The following FAM13A variants were observed in gnomAD, a reference collection of about 807,000 sequenced individuals.
The protein encoded by FAM13A is family with sequence similarity 13 member A, also known as protein FAM13A.
A neutral mutation model predicts 129.6 loss-of-function variants in FAM13A; 76 were observed. That is an observed-to-expected ratio of 0.59 (90% confidence interval 0.49 to 0.71). FAM13A has a LOEUF of 0.71. FAM13A is among the 30% of genes least tolerant of loss of function. The pLI, the probability that FAM13A is intolerant of heterozygous loss-of-function variation, is 0.00. For synonymous variants in FAM13A, 443 were observed against 449.9 expected (o/e 0.98, Z 0.20); for missense variants, 1,108 against 1,249.3 (o/e 0.89, Z 1.70).
intron 14 of FAM13A, among the ~76,000 whole-genome samples, chr4:88,757,696 TAA>T (rs1257794079): frequency 2.6e-5 from 4 of 152,158 alleles, no homozygotes; most frequent in African/African-American, 7.2e-5. Flanking sequence ...AGAACTAGAA[TAA>T]AAAAGTTTGT....
At chr4:88,919,026 C>T (rs1199344933) in intron 5 of FAM13A, among the ~76,000 whole-genome samples, 4 of 152,194 alleles carry the variant, frequency 2.6e-5, no homozygotes, top group Admixed American at 6.5e-5. Flanking sequence ...TCTTAAGCCA[C>T]CAAGGTTTTA....
At chr4:89,031,566 G>C (rs1444691211) in intron 1 of FAM13A, among the ~76,000 whole-genome samples, 1 of 152,168 alleles carries the variant, frequency 6.6e-6, no homozygotes. Flanking sequence ...TAAGAACAGT[G>C]CCTGGCATAC....
chr4:88,781,930 T>C (rs1239536938), intron 10 of FAM13A, among the ~76,000 whole-genome samples: 1 of 151,402 alleles, frequency 6.6e-6, no homozygotes, highest in Non-Finnish European at 1.5e-5. Flanking sequence ...ACATGGCACA[T>C]GTATACATAT....
intron 8 of FAM13A, among the ~76,000 whole-genome samples, chr4:88,797,383 T>C (rs1429024322): frequency 6.6e-6 from 1 of 151,840 alleles, no homozygotes. Context: ...AGCAATCCTC[T>C]TGCTTCGGCC....
chr4:88,966,504 T>A (rs1759369990), intron 4 of FAM13A, among the ~76,000 whole-genome samples: 1 of 152,204 alleles, frequency 6.6e-6, no homozygotes, highest in South Asian at 2.1e-4. Context: ...CCATGGTTAA[T>A]CCTTTTTGCC....
intron 4 of FAM13A, among the ~76,000 whole-genome samples, chr4:88,954,392 C>T (rs554159505): frequency 1.3e-5 from 2 of 152,154 alleles, no homozygotes; most frequent in African/African-American, 4.8e-5. Context: ...TCCATAAATC[C>T]GTCCTTTCAT....
At chr4:88,737,785 ACAG>A (rs1335882163) in intron 20 of FAM13A, 1 of 546,576 alleles carries the variant, frequency 1.8e-6, no homozygotes, top group Non-Finnish European at 3.2e-6. Flanking sequence ...TACAGCAAGA[ACAG>A]CACAGGAGTA....
At chr4:88,955,357 G>C (rs1371101550) in intron 4 of FAM13A, among the ~76,000 whole-genome samples, 1 of 152,072 alleles carries the variant, frequency 6.6e-6, no homozygotes, top group Non-Finnish European at 1.5e-5. Flanking sequence ...TGCCATGATT[G>C]TAAGTTTCCT....
intron 4 of FAM13A, among the ~76,000 whole-genome samples, chr4:88,942,815 T>C (rs1423587812): frequency 2.0e-5 from 3 of 152,158 alleles, no homozygotes; most frequent in Non-Finnish European, 2.9e-5. Flanking sequence ...AGGTGAAAAA[T>C]TGAGCTTTGA....
intron 1 of FAM13A, among the ~76,000 whole-genome samples, chr4:89,037,871 C>A (rs1200022644): frequency 1.3e-5 from 2 of 152,200 alleles, no homozygotes; most frequent in Non-Finnish European, 2.9e-5. Context: ...CCTTCGCCTA[C>A]CACTATGGTT....
At chr4:88,903,165 A>T (rs201284072) in intron 6 of FAM13A, among the ~76,000 whole-genome samples, 1 of 152,222 alleles carries the variant, frequency 6.6e-6, no homozygotes, top group Non-Finnish European at 1.5e-5. Flanking sequence ...TATTATGAAA[A>T]TACTCATACT....
intron 1 of FAM13A, among the ~76,000 whole-genome samples, chr4:89,036,999 C>T (rs1769469734): frequency 6.6e-6 from 1 of 152,206 alleles, no homozygotes; most frequent in African/African-American, 2.4e-5. Context: ...GGGGTGGAGC[C>T]CTCATGGAGA....
intron 1 of FAM13A, among the ~76,000 whole-genome samples, chr4:89,039,395 AG>A (rs1174021097): frequency 1.3e-5 from 2 of 152,254 alleles, no homozygotes; most frequent in Non-Finnish European, 2.9e-5. Flanking sequence ...TAACACAAAC[AG>A]GGAAACCTAA....
chr4:88,929,294 A>AC (rs796657330), intron 5 of FAM13A, among the ~76,000 whole-genome samples: 140 of 152,108 alleles, frequency 9.2e-4, no homozygotes, highest in Middle Eastern at 3.4e-3. Context: ...TGATAACTAG[A>AC]CTTTTTTCTC....
chr4:88,809,469 G>T (rs951418340), intron 7 of FAM13A, among the ~76,000 whole-genome samples: 1 of 151,962 alleles, frequency 6.6e-6, no homozygotes, highest in Non-Finnish European at 1.5e-5. Context: ...CTAAGAATTC[G>T]GTCCCATTCA....
At chr4:88,848,593 C>T (rs960357132) in intron 7 of FAM13A, among the ~76,000 whole-genome samples, 8 of 152,316 alleles carry the variant, frequency 5.3e-5, no homozygotes, top group South Asian at 2.1e-4. Context: ...ACAATGACTT[C>T]GGGAAGGCTC....
chr4:89,011,247 T>C (rs1323702241), intron 3 of FAM13A, among the ~76,000 whole-genome samples: 3 of 152,182 alleles, frequency 2.0e-5, no homozygotes, highest in Non-Finnish European at 4.4e-5. Flanking sequence ...AGTTTCTTTT[T>C]GGAATGATGA....
chr4:88,910,589 T>A (rs1242119445), intron 5 of FAM13A, among the ~76,000 whole-genome samples: 1 of 151,908 alleles, frequency 6.6e-6, no homozygotes, highest in Non-Finnish European at 1.5e-5. Flanking sequence ...CTCTATCCCC[T>A]ACCCTATTTT....
At chr4:88,745,381 C>T (rs1741107903) in intron 19 of FAM13A, among the ~76,000 whole-genome samples, 1 of 152,148 alleles carries the variant, frequency 6.6e-6, no homozygotes, top group South Asian at 2.1e-4. Flanking sequence ...GTTCCCAACT[C>T]AGAGCAACAA....
Sources: gnomAD v4.1 joint callset for allele counts (sites outside exome capture counted in the v4.1 genomes callset) on GRCh38, gnomAD v4.1.1 for gene constraint, MANE v1.5 for transcripts, NCBI Gene and HGNC (gene_info 2026-07-23, HGNC 2026-07-21) for gene names.